ZNF385D: variants seen among roughly 807,000 people sequenced by gnomAD.
The protein encoded by ZNF385D is zinc finger protein 385D.
A neutral mutation model predicts 35.8 loss-of-function variants in ZNF385D; 15 were observed. The observed-to-expected ratio is 0.42, with a 90% CI of 0.28 to 0.64. The LOEUF (loss-of-function observed/expected upper bound fraction) is 0.64, where lower values mean the gene tolerates loss of function less well. Ranked by LOEUF, ZNF385D falls within the 30% of genes least tolerant of loss-of-function variation. The pLI, the probability that ZNF385D is intolerant of heterozygous loss-of-function variation, is 0.23. For synonymous variants in ZNF385D, 212 were observed against 186.8 expected (o/e 1.13, Z -1.10); for missense variants, 474 against 494.6 (o/e 0.96, Z 0.39).
intron 1 of ZNF385D, among the ~76,000 whole-genome samples, chr3:21,714,036 C>T (rs1455143879): frequency 1.3e-5 from 2 of 152,148 alleles, no homozygotes; most frequent in Non-Finnish European, 2.9e-5. Flanking sequence ...ATCCTCAACC[C>T]TCTAACACTT....
intron 2 of ZNF385D, among the ~76,000 whole-genome samples, chr3:22,275,377 T>C (rs1377094225): frequency 5.9e-5 from 9 of 152,250 alleles, no homozygotes; most frequent in Non-Finnish European, 2.9e-5. Context: ...TTGAGAACAG[T>C]TGATTGCTGT....
In ZNF385D at chr3:21,686,423, T is replaced by G. The variant is rs1324669005; in HGVS notation, c.23-21395A>C. Among the ~76,000 whole-genome samples, 3 of 152,274 alleles carry G rather than the reference T, an allele frequency of 2.0e-5. No homozygotes were observed. The South Asian group carries it at 6.2e-4, about 32-fold the overall frequency. On this transcript the variant is annotated intron_variant, in intron 1 of 7. Coordinates refer to ENST00000281523, the MANE Select transcript of ZNF385D (RefSeq NM_024697.3). ...TGAGAAACTGTATGAAAAGCATCAG[T>G]GTATAGAGCAATACTGAACTATCGC...
At chr3:22,339,304 C>T (rs989664573) in intron 2 of ZNF385D, among the ~76,000 whole-genome samples, 1 of 152,142 alleles carries the variant, frequency 6.6e-6, no homozygotes, top group Admixed American at 6.5e-5. Context: ...GAAAACTATT[C>T]ATGTTTATAT....
chr3:22,307,571 T>C (rs761302967), intron 2 of ZNF385D, among the ~76,000 whole-genome samples: 11 of 152,092 alleles, frequency 7.2e-5, no homozygotes, highest in Non-Finnish European at 7.4e-5. Context: ...GTAACACATA[T>C]GGTATTTTGG....
intron 3 of ZNF385D, among the ~76,000 whole-genome samples, chr3:21,945,474 C>A (rs967257194): frequency 2.6e-5 from 4 of 152,120 alleles, no homozygotes; most frequent in African/African-American, 7.2e-5. Flanking sequence ...CAACAACTCA[C>A]TGAAAAACTT....
At chr3:22,246,014 C>G (rs771547303) in intron 2 of ZNF385D, among the ~76,000 whole-genome samples, 1 of 152,222 alleles carries the variant, frequency 6.6e-6, no homozygotes, top group Middle Eastern at 3.4e-3. Context: ...AGCCAGCCTA[C>G]TACCACTTTT....
chr3:22,367,359 T>C (rs758309304), intron 2 of ZNF385D, among the ~76,000 whole-genome samples: 1 of 152,184 alleles, frequency 6.6e-6, no homozygotes, highest in African/African-American at 2.4e-5. Context: ...ACTCATACTC[T>C]TAAAATGCTA....
chr3:22,331,877 T>C (rs192435253), intron 2 of ZNF385D, among the ~76,000 whole-genome samples: 61 of 152,316 alleles, frequency 4.0e-4, no homozygotes, highest in Non-Finnish European at 5.0e-4. Flanking sequence ...GTAATTTCTA[T>C]AGTAACTTTC....
At chr3:21,748,709 G>A (rs1008091188) in intron 1 of ZNF385D, among the ~76,000 whole-genome samples, 2 of 152,158 alleles carry the variant, frequency 1.3e-5, no homozygotes, top group Non-Finnish European at 2.9e-5. Flanking sequence ...TTTGCAAAGT[G>A]AAAGCATTGC....
intron 3 of ZNF385D, among the ~76,000 whole-genome samples, chr3:22,005,646 A>G (rs913629335): frequency 2.0e-5 from 3 of 152,062 alleles, no homozygotes; most frequent in African/African-American, 7.2e-5. Context: ...AAAATGAAAT[A>G]TTCACACCTC....
At chr3:21,651,089 C>A (rs2125216877) in intron 2 of ZNF385D, among the ~76,000 whole-genome samples, 1 of 149,114 alleles carries the variant, frequency 6.7e-6, no homozygotes, top group East Asian at 2.0e-4. Flanking sequence ...ACCATCATGG[C>A]TAACACGGTG....
intron 2 of ZNF385D, among the ~76,000 whole-genome samples, chr3:22,217,345 G>A (rs1016213288): frequency 2.0e-5 from 3 of 152,068 alleles, no homozygotes; most frequent in African/African-American, 7.2e-5. Context: ...CCTGCCTTCT[G>A]TTTCTAAGGA....
chr3:21,467,047 C>T (rs1050640098), intron 4 of ZNF385D, among the ~76,000 whole-genome samples: 6 of 152,130 alleles, frequency 3.9e-5, no homozygotes, highest in Admixed American at 6.6e-5. Flanking sequence ...TCCCTGAACT[C>T]GGTTCTTGTG....
rs1487858445 is a variant in ZNF385D at position 21,555,295 on chromosome 3, C to T, written c.276+9279G>A. On this transcript the variant is annotated intron_variant, in intron 3 of 7. Coordinates refer to ENST00000281523, the MANE Select transcript of ZNF385D (RefSeq NM_024697.3). ...GGTTTGTTACATAGGTATACATGTG[C>T]TATGGTGGTTTGCTGCACCCATCAA... Among the ~76,000 whole-genome samples the T allele has an allele frequency of 2.0e-5, 3 of 151,074 alleles. No individual in the cohort carries two copies. In the East Asian group the frequency reaches 5.9e-4, roughly 30 times the overall value.
At chr3:22,083,643 G>C (rs1346791723) in intron 3 of ZNF385D, among the ~76,000 whole-genome samples, 3 of 152,198 alleles carry the variant, frequency 2.0e-5, no homozygotes, top group Non-Finnish European at 4.4e-5. Context: ...ATGGAACCAA[G>C]TTGGAAAACA....
chr3:21,669,100 C>G (rs2066487541), intron 1 of ZNF385D, among the ~76,000 whole-genome samples: 1 of 152,276 alleles, frequency 6.6e-6, no homozygotes, highest in Non-Finnish European at 1.5e-5. Flanking sequence ...TATATAAACT[C>G]TATGTCTAGT....
intron 3 of ZNF385D, among the ~76,000 whole-genome samples, chr3:21,840,209 T>C (rs756596401): frequency 5.3e-5 from 8 of 152,014 alleles, no homozygotes; most frequent in African/African-American, 1.9e-4. Flanking sequence ...CATTCAAAAG[T>C]AGTATGTAAG....
chr3:21,727,899 G>T (rs2125473715), intron 1 of ZNF385D, among the ~76,000 whole-genome samples: 1 of 152,218 alleles, frequency 6.6e-6, no homozygotes, highest in Admixed American at 6.5e-5. Flanking sequence ...CAATAGCAAA[G>T]ACTTGGAACC....
At chr3:22,254,454 CAAGT>C (rs1033644715) in intron 2 of ZNF385D, among the ~76,000 whole-genome samples, 17 of 151,874 alleles carry the variant, frequency 1.1e-4, no homozygotes, top group African/African-American at 4.1e-4. Context: ...TTTGACCTAG[CAAGT>C]ATCTTCCATG....
Sources: gnomAD v4.1 joint callset for allele counts (sites outside exome capture counted in the v4.1 genomes callset) on GRCh38, gnomAD v4.1.1 for gene constraint, MANE v1.5 for transcripts, NCBI Gene and HGNC (gene_info 2026-07-23, HGNC 2026-07-21) for gene names.